FRMD4B: variants seen among roughly 807,000 people sequenced by gnomAD.
FRMD4B encodes FERM domain-containing protein 4B.
FRMD4B carries 74 observed loss-of-function variants against 141.5 expected under a neutral mutation model. The ratio of observed to expected loss-of-function variants is 0.52; its 90% CI spans 0.43 to 0.63. The LOEUF (loss-of-function observed/expected upper bound fraction) is 0.63, where lower values mean the gene tolerates loss of function less well. Ranked by LOEUF, FRMD4B falls within the 30% of genes least tolerant of loss-of-function variation. The pLI, the probability that FRMD4B is intolerant of heterozygous loss-of-function variation, is 0.00. For synonymous variants in FRMD4B, 506 were observed against 467.9 expected (o/e 1.08, Z -1.05); for missense variants, 1,366 against 1,253.4 (o/e 1.09, Z -1.36).
intron 2 of FRMD4B, among the ~76,000 whole-genome samples, chr3:69,426,983 AT>A (rs1213677509): frequency 6.6e-6 from 1 of 151,972 alleles, no homozygotes; most frequent in Non-Finnish European, 1.5e-5. Context: ...AGGGATTCTT[AT>A]TTTTTTATTT....
At chr3:69,256,080 C>T (rs561219529) in intron 5 of FRMD4B, among the ~76,000 whole-genome samples, 3 of 151,120 alleles carry the variant, frequency 2.0e-5, no homozygotes, top group Admixed American at 6.6e-5. Flanking sequence ...CTGGGTGACA[C>T]GGTGAGACCT....
intron 2 of FRMD4B, among the ~76,000 whole-genome samples, chr3:69,410,748 T>A (rs891971513): frequency 0.079 from 1,474 of 18,704 alleles, 67 homozygotes; most frequent in East Asian, 0.43. Context: ...TATATATATA[T>A]ATATATATAT....
At chr3:69,189,995 T>C in intron 17 of FRMD4B, 43 bp from the exon 18 acceptor site, 2 of 1,162,350 alleles carry the variant, frequency 1.7e-6, no homozygotes, top group Non-Finnish European at 2.6e-6. Flanking sequence ...TGTGCATTTA[T>C]ACAATTAGAG....
chr3:69,184,811 T>A (rs2092747515), intron 19 of FRMD4B, among the ~76,000 whole-genome samples: 1 of 152,296 alleles, frequency 6.6e-6, no homozygotes, highest in South Asian at 2.1e-4. Context: ...ACTAGCCACA[T>A]GTGGCTGCTG....
At chr3:69,278,895 T>C (rs2106985392) in intron 5 of FRMD4B, among the ~76,000 whole-genome samples, 1 of 152,256 alleles carries the variant, frequency 6.6e-6, no homozygotes, top group Non-Finnish European at 1.5e-5. Flanking sequence ...TGCTCCAAAT[T>C]GCTTTTTATA....
chr3:69,383,717 A>T (rs1284093207), intron 1 of FRMD4B, among the ~76,000 whole-genome samples: 1 of 151,664 alleles, frequency 6.6e-6, no homozygotes, highest in Non-Finnish European at 1.5e-5. Context: ...ATGACGCTAT[A>T]CCTGGCTGAT....
At chr3:69,383,962 T>A (rs191591839) in intron 1 of FRMD4B, among the ~76,000 whole-genome samples, 2 of 152,124 alleles carry the variant, frequency 1.3e-5, no homozygotes, top group East Asian at 3.9e-4. Context: ...GACTTATTTT[T>A]TTTTTATTTT....
chr3:69,492,982 C>T (rs1318284925), intron 1 of FRMD4B, among the ~76,000 whole-genome samples: 2 of 152,168 alleles, frequency 1.3e-5, no homozygotes, highest in East Asian at 1.9e-4. Context: ...TATCTTCAGT[C>T]TCAGGTGCTC....
At chr3:69,243,304 A>AG (rs34252672) in intron 7 of FRMD4B, among the ~76,000 whole-genome samples, 5,279 of 152,316 alleles carry the variant, frequency 0.035, 322 homozygotes, top group African/African-American at 0.12. Context: ...CAAAATAAAA[A>AG]GGGAGGATTG....
chr3:69,377,311 G>C (rs1266757806), intron 1 of FRMD4B, among the ~76,000 whole-genome samples: 3 of 152,100 alleles, frequency 2.0e-5, no homozygotes, highest in Non-Finnish European at 2.9e-5. Context: ...ATGGTAAGTA[G>C]CTGAGTCTGT....
chr3:69,363,064 G>A (rs1703518890), intron 1 of FRMD4B, among the ~76,000 whole-genome samples: 1 of 151,706 alleles, frequency 6.6e-6, no homozygotes, highest in African/African-American at 2.4e-5. Context: ...GTATCTCCAG[G>A]TAGGGCAGTG....
intron 1 of FRMD4B, among the ~76,000 whole-genome samples, chr3:69,317,033 T>C (rs571448970): frequency 2.6e-5 from 4 of 151,948 alleles, no homozygotes; most frequent in South Asian, 4.2e-4. Flanking sequence ...TGAGGTGAGA[T>C]TGCATAACTG....
At position 69,189,888 on chromosome 3, in the gene FRMD4B, C is replaced by A. The variant is rs1031118440; in HGVS notation, c.1771+8G>T. On this transcript the variant is annotated splice_region_variant and intron_variant, in intron 18 of 22. Transcript: ENST00000398540. ...CATTTTTAAACCAAAAAAGGAAGAGCCACTTACGATCATCATAGGTGGTGG... is the reference window on the plus strand; with the variant it reads ...CATTTTTAAACCAAAAAAGGAAGAGACACTTACGATCATCATAGGTGGTGG... 6.4e-7 allele frequency: 1 copy of A among 1,551,672 alleles called. No individual in the cohort carries two copies. The highest frequency in any genetic ancestry group is 8.9e-7 in the Non-Finnish European group (1 of 1,124,766).
intron 1 of FRMD4B, among the ~76,000 whole-genome samples, chr3:69,383,957 AT>A (rs201715858): frequency 4.0e-5 from 6 of 149,034 alleles, no homozygotes; most frequent in South Asian, 2.1e-4. Flanking sequence ...GTGGGGACTT[AT>A]TTTTTTTTTA....
chr3:69,182,929 A>G (rs1356835551), intron 19 of FRMD4B, among the ~76,000 whole-genome samples: 1 of 152,180 alleles, frequency 6.6e-6, no homozygotes, highest in Non-Finnish European at 1.5e-5. Flanking sequence ...AGTCACAAAT[A>G]TGTAGGGAAA....
At chr3:69,233,462 GAC>G (rs1387827232) in intron 7 of FRMD4B, among the ~76,000 whole-genome samples, 3 of 148,480 alleles carry the variant, frequency 2.0e-5, no homozygotes, top group African/African-American at 7.5e-5. Flanking sequence ...CAGCCTGGGT[GAC>G]AGAGTGAGAC....
Position 69,311,274 on chromosome 3 carries a change from G to C in FRMD4B, c.312C>G (p.Phe104Leu), listed in dbSNP as rs750805863. ...ATTAAAGGACTTACGTGTCATCTATGAATGTTATTCCAAAATACTCCTTTT... is the reference window on the plus strand; with the variant it reads ...ATTAAAGGACTTACGTGTCATCTATCAATGTTATTCCAAAATACTCCTTTT... ...LKEKEYFGIT[F>L]IDDTGQQNWL... Residue 104 changes from phenylalanine (F) to leucine (L), a missense_variant, in exon 3 of 23, where the codon TTC (phenylalanine) becomes TTG (leucine). Transcript: ENST00000398540. 3 of 1,499,484 alleles carry C rather than the reference G, an allele frequency of 2.0e-6. No homozygotes were observed. In the Admixed American group the frequency reaches 5.0e-5, roughly 25 times the overall value. 92.9% of individuals were successfully genotyped at this position (1,499,484 alleles called of 1,614,324 possible). A position where few individuals can be genotyped will look rare whatever the true frequency, so the allele number is the denominator to read the frequency against.
rs1280867576 is a variant in FRMD4B at position 69,181,022 on chromosome 3, T to C, written c.2728A>G (p.Lys910Glu). 2 of 1,614,010 alleles carry C rather than the reference T, an allele frequency of 1.2e-6. No homozygotes were observed. The highest frequency in any genetic ancestry group is 1.7e-6 in the Non-Finnish European group (2 of 1,179,896). ...RGWYQRASGQ[K>E]DQGHSPQTSF... ...GTCTGCGGGCTGTGTCCCTGATCCTTCTGCCCAGAGGCCCGCTGGTACCAG... is the reference window on the plus strand; with the variant it reads ...GTCTGCGGGCTGTGTCCCTGATCCTCCTGCCCAGAGGCCCGCTGGTACCAG... Residue 910 changes from lysine (K) to glutamate (E), a missense_variant, in exon 21 of 23, where the codon AAG becomes GAG. Lys to Glu is a moderately conservative substitution (Grantham distance 56). Coordinates refer to ENST00000398540, the MANE Select transcript of FRMD4B (RefSeq NM_015123.3).
intron 8 of FRMD4B, among the ~76,000 whole-genome samples, chr3:69,222,613 A>C (rs1303331118): frequency 6.6e-6 from 1 of 151,884 alleles, no homozygotes; most frequent in Non-Finnish European, 1.5e-5. Flanking sequence ...CTCTACTAAA[A>C]ATACAAAATT....
Sources: gnomAD v4.1 joint callset for allele counts (sites outside exome capture counted in the v4.1 genomes callset) on GRCh38, gnomAD v4.1.1 for gene constraint, MANE v1.5 for transcripts, NCBI Gene and HGNC (gene_info 2026-07-23, HGNC 2026-07-21) for gene names.